BPHL: variants seen among roughly 807,000 people sequenced by gnomAD.
BPHL encodes serine hydrolase BPHL.
Under a neutral mutation model 31.2 loss-of-function variants are expected in BPHL, and 27 were observed. That is an observed-to-expected ratio of 0.87 (90% CI 0.64 to 1.19). The LOEUF is 1.19. Ranked by LOEUF, BPHL falls within the 50% of genes most tolerant of loss-of-function variation. The pLI is 0.00. For synonymous variants in BPHL, 150 were observed against 146.8 expected (o/e 1.02, Z -0.16); for missense variants, 356 against 375.7 (o/e 0.95, Z 0.43).
At chr6:3,120,847 CCTT>C (rs1270377178) in intron 1 of BPHL, among the ~76,000 whole-genome samples, 1 of 152,230 alleles carries the variant, frequency 6.6e-6, no homozygotes, top group Non-Finnish European at 1.5e-5. Flanking sequence ...CAGAGACTGT[CCTT>C]CTGCTGACGC....
intron 6 of BPHL, among the ~76,000 whole-genome samples, chr6:3,145,102 T>G: frequency 4.8e-5 from 7 of 146,756 alleles, no homozygotes; most frequent in Non-Finnish European, 4.5e-5. Context: ...TGGGTTGGAG[T>G]GCTGGTTTGG....
chr6:3,128,356 G>C (rs1761774028), intron 3 of BPHL, among the ~76,000 whole-genome samples: 1 of 152,184 alleles, frequency 6.6e-6, no homozygotes, highest in Non-Finnish European at 1.5e-5. Flanking sequence ...TCATTTTGCA[G>C]GATAGTGCCA....
rs568927906 is a variant in BPHL, at chr6:3,134,895, C to G, written c.533-2467C>G. ...GGGATTACAGGCATGAACCACCGCG[C>G]CTGGCCAATTTTTGTATTTTTTGTA... On this transcript the variant is annotated intron_variant, in intron 4 of 6. Coordinates refer to ENST00000380379, the MANE Select transcript of BPHL (RefSeq NM_004332.4). Among the ~76,000 whole-genome samples the G allele has an allele frequency of 5.3e-5, 8 of 152,164 alleles. No homozygotes were observed. The East Asian group carries it at 1.5e-3, about 29-fold the overall frequency.
intron 6 of BPHL, among the ~76,000 whole-genome samples, chr6:3,150,473 C>A (rs1362840423): frequency 1.3e-5 from 2 of 152,214 alleles, no homozygotes; most frequent in Admixed American, 6.5e-5. Context: ...GGAACCATGT[C>A]TCTTTCTGAA....
At chr6:3,127,054 C>A (rs1366373258) in intron 2 of BPHL, 188 bp from the exon 3 acceptor site, 1 of 407,802 alleles carries the variant, frequency 2.5e-6, no homozygotes, top group African/African-American at 2.0e-5. Flanking sequence ...TACAGGCGCA[C>A]CCGGTCAGCC....
intron 4 of BPHL, 26 bp downstream of exon 4, chr6:3,129,224 G>A (rs565028147): frequency 6.5e-6 from 10 of 1,527,432 alleles, no homozygotes; most frequent in South Asian, 2.6e-5. Flanking sequence ...GGGAGATGCC[G>A]GGACGGCAGA....
At chr6:3,121,721 A>C (rs958758154) in intron 1 of BPHL, among the ~76,000 whole-genome samples, 2 of 152,192 alleles carry the variant, frequency 1.3e-5, no homozygotes, top group Non-Finnish European at 1.5e-5. Context: ...TGGTGGCTTC[A>C]TTGATGCCCC....
chr6:3,120,062 T>C (rs1761518201), intron 1 of BPHL, among the ~76,000 whole-genome samples: 1 of 152,088 alleles, frequency 6.6e-6, no homozygotes, highest in African/African-American at 2.4e-5. Context: ...TGAGACTGAC[T>C]CTCGCTCTTT....
chr6:3,134,123 C>G (rs1761943818), intron 4 of BPHL, among the ~76,000 whole-genome samples: 1 of 151,962 alleles, frequency 6.6e-6, no homozygotes, highest in Non-Finnish European at 1.5e-5. Context: ...GTATTATATC[C>G]ATGTATTTTT....
At chr6:3,131,776 A>G (rs3729609) in intron 4 of BPHL, among the ~76,000 whole-genome samples, 6,669 of 152,038 alleles carry the variant, frequency 0.044, 482 homozygotes, top group African/African-American at 0.15. Context: ...CGCCTTTGCA[A>G]CTGCTGCTGT....
intron 1 of BPHL, among the ~76,000 whole-genome samples, chr6:3,122,919 G>A (rs1470366872): frequency 6.6e-6 from 1 of 152,026 alleles, no homozygotes; most frequent in Admixed American, 6.5e-5. Context: ...CAAGGCTGCT[G>A]AAGGTCTGGG....
intron 6 of BPHL, among the ~76,000 whole-genome samples, chr6:3,141,541 G>A (rs1347503361): frequency 6.6e-6 from 1 of 152,006 alleles, no homozygotes; most frequent in Non-Finnish European, 1.5e-5. Flanking sequence ...CTAATTTTTT[G>A]TATTTTCAGT....
At chr6:3,119,146 G>A in intron 1 of BPHL, 1 of 784,924 alleles carries the variant, frequency 1.3e-6, no homozygotes, top group East Asian at 2.7e-5. Context: ...GAGACCCAGG[G>A]AGATACATTT....
rs147184970 is a variant in BPHL at position 3,121,829 on chromosome 6, G to T, written c.108-1828G>T. On this transcript the variant is annotated intron_variant, in intron 1 of 6. Coordinates refer to ENST00000380379, the MANE Select transcript of BPHL (RefSeq NM_004332.4). ...TTTTTCCAGAAATGGTATGTTAAGA[G>T]TAGATGTACCTGTATTCAACACATC... 3.8e-3 allele frequency among the ~76,000 whole-genome samples: 580 copies of T among 152,298 alleles called. 6 individuals are homozygous for T. Among genetic ancestry groups the T allele is most frequent in the African/African-American group, 0.013 (546 of 41,564 alleles).
At chr6:3,144,019 AGTT>A (rs1405848999) in intron 6 of BPHL, among the ~76,000 whole-genome samples, 1 of 152,230 alleles carries the variant, frequency 6.6e-6, no homozygotes, top group Non-Finnish European at 1.5e-5. Context: ...ATGCGCCTCC[AGTT>A]GCTCGCTCAC....
At chr6:3,151,791 G>A (rs781676895) in intron 6 of BPHL, among the ~76,000 whole-genome samples, 5 of 152,198 alleles carry the variant, frequency 3.3e-5, no homozygotes, top group Admixed American at 1.3e-4. Flanking sequence ...TGTCCCATTT[G>A]ATCACAATCC....
chr6:3,121,888 T>G (rs1372817005), intron 1 of BPHL, among the ~76,000 whole-genome samples: 1 of 152,242 alleles, frequency 6.6e-6, no homozygotes, highest in Admixed American at 6.5e-5. Flanking sequence ...TACTTGAGAC[T>G]GGCAAATAAG....
At chr6:3,137,762 G>T (rs1762053354) in intron 5 of BPHL, among the ~76,000 whole-genome samples, 1 of 152,080 alleles carries the variant, frequency 6.6e-6, no homozygotes, top group African/African-American at 2.4e-5. Flanking sequence ...CTAATCCTTG[G>T]TGTGTGTGCG....
chr6:3,134,363 A>G (rs1761950035), intron 4 of BPHL, among the ~76,000 whole-genome samples: 1 of 150,316 alleles, frequency 6.7e-6, no homozygotes, highest in Admixed American at 6.6e-5. Flanking sequence ...CTTTTTCTTT[A>G]TGGGCAGAAC....
Sources: allele counts gnomAD v4.1 joint callset (sites outside exome capture counted in the v4.1 genomes callset), GRCh38; gene constraint gnomAD v4.1.1; transcripts MANE v1.5; gene names NCBI Gene and HGNC (gene_info 2026-07-23, HGNC 2026-07-21).